The following NBEA variants were observed in gnomAD, a reference collection of about 807,000 sequenced individuals.
NBEA encodes the protein lysosomal-trafficking regulator 2.
In NBEA, 44 loss-of-function variants were observed where a neutral mutation model predicts 343.4. That is an observed-to-expected ratio of 0.13 (90% CI 0.10 to 0.16). The LOEUF (loss-of-function observed/expected upper bound fraction) is 0.16, where lower values mean the gene tolerates loss of function less well. Ranked by LOEUF, NBEA falls within the 10% of genes least tolerant of loss-of-function variation. NBEA has a pLI of 1.00. For synonymous variants in NBEA, 1,175 were observed against 1,238.7 expected (o/e 0.95, Z 1.08); for missense variants, 2,555 against 3,631.3 (o/e 0.70, Z 7.62).
intron 21 of NBEA, among the ~76,000 whole-genome samples, chr13:35,157,983 A>G (rs2069293415): frequency 1.3e-5 from 2 of 152,140 alleles, no homozygotes; most frequent in African/African-American, 4.8e-5. Flanking sequence ...GATAGATAGT[A>G]AATATTATAG....
rs1276908123 is a variant in NBEA at position 35,667,411 on chromosome 13, G to A, written c.8502G>A (p.Leu2834=). The change falls in exon 57 of 59, where the codon TTG becomes TTA. Residue 2834 remains leucine (L), a synonymous_variant. Coordinates refer to ENST00000379939, the MANE Select transcript of NBEA (RefSeq NM_001385012.1). ...TTGTCCACACCATCACTGGAGATTT[G>A]CTGAGAGCCCTTGAAGGACCAGAAA... ...PCLVHTITGD[L]LRALEGPENC... 6 of 1,613,972 alleles carry A rather than the reference G, an allele frequency of 3.7e-6. No homozygotes were observed. The highest frequency in any genetic ancestry group is 5.1e-6 in the Non-Finnish European group (6 of 1,179,882).
At chr13:35,245,920 G>A (rs574405179) in intron 34 of NBEA, among the ~76,000 whole-genome samples, 17 of 152,012 alleles carry the variant, frequency 1.1e-4, no homozygotes, top group Non-Finnish European at 1.0e-4. Context: ...CAGGAATGCC[G>A]GTCATTCCTA....
chr13:35,518,902 A>G (rs57537744), intron 41 of NBEA, among the ~76,000 whole-genome samples: 14,104 of 152,216 alleles, frequency 0.093, 671 homozygotes, highest in African/African-American at 0.12. Flanking sequence ...GCAGATGATT[A>G]TAAGAGAGCA....
intron 34 of NBEA, among the ~76,000 whole-genome samples, chr13:35,273,488 GA>G (rs1336148266): frequency 6.6e-6 from 1 of 152,026 alleles, no homozygotes; most frequent in East Asian, 1.9e-4. Context: ...AAAACTAGCA[GA>G]AGACAAGAAA....
At chr13:35,352,350 A>T in intron 38 of NBEA, 27 bp downstream of exon 38, 1 of 1,309,780 alleles carries the variant, frequency 7.6e-7, no homozygotes, top group Non-Finnish European at 1.0e-6. Flanking sequence ...TCGAGTAAAT[A>T]ATAATTCATA....
At chr13:35,367,511 T>C (rs2041187847) in intron 38 of NBEA, among the ~76,000 whole-genome samples, 1 of 151,166 alleles carries the variant, frequency 6.6e-6, no homozygotes, top group Non-Finnish European at 1.5e-5. Flanking sequence ...AAGTTACAAA[T>C]TGTAATATCT....
At chr13:35,118,778 G>T (rs1239182962) in intron 16 of NBEA, among the ~76,000 whole-genome samples, 1 of 151,632 alleles carries the variant, frequency 6.6e-6, no homozygotes, top group Non-Finnish European at 1.5e-5. Flanking sequence ...TTTACCAAAA[G>T]AGGATACAAT....
chr13:35,251,075 G>T, intron 34 of NBEA: 1 of 172,002 alleles, frequency 5.8e-6, no homozygotes, highest in Non-Finnish European at 1.3e-5. Flanking sequence ...GCTCAGCCTG[G>T]CCTTAGCCAT....
intron 38 of NBEA, among the ~76,000 whole-genome samples, chr13:35,421,286 T>A (rs1386577108): frequency 6.6e-6 from 1 of 151,960 alleles, no homozygotes; most frequent in Non-Finnish European, 1.5e-5. Flanking sequence ...GACTTGGTCA[T>A]TTTTTAGAAT....
chr13:35,251,528 TC>T, intron 34 of NBEA: 1 of 1,139,018 alleles, frequency 8.8e-7, no homozygotes, highest in Admixed American at 3.4e-5. Context: ...TCTGGGCTCA[TC>T]CTGGACGTCA....
chr13:35,278,149 A>T (rs1002412043), intron 34 of NBEA, among the ~76,000 whole-genome samples: 1 of 149,056 alleles, frequency 6.7e-6, no homozygotes, highest in Non-Finnish European at 1.5e-5. Flanking sequence ...ATGCACACAT[A>T]TATATGCATG....
chr13:35,496,704 C>T lies in NBEA; in HGVS notation c.6585+24168C>T, dbSNP rs976383596. Among the ~76,000 whole-genome samples, 3 of 150,950 alleles carry T rather than the reference C, an allele frequency of 2.0e-5. No individual in the cohort carries two copies. In the East Asian group the frequency reaches 5.9e-4, roughly 30 times the overall value. On this transcript the variant is annotated intron_variant, in intron 41 of 58. Coordinates refer to ENST00000379939, the MANE Select transcript of NBEA (RefSeq NM_001385012.1). Reference sequence around the variant, plus strand: ...CAAACAGTGGTTTTTAATAGCTGTTCTTCTAGCAAGGATAAGTTTAATTCC... The same window carrying T: ...CAAACAGTGGTTTTTAATAGCTGTTTTTCTAGCAAGGATAAGTTTAATTCC...
intron 10 of NBEA, among the ~76,000 whole-genome samples, chr13:35,081,639 T>A (rs1409565273): frequency 6.6e-6 from 1 of 152,144 alleles, no homozygotes; most frequent in Non-Finnish European, 1.5e-5. Flanking sequence ...CAATGTTTGT[T>A]TGCATAACTT....
At chr13:35,088,780 A>G (rs1032035142) in intron 10 of NBEA, among the ~76,000 whole-genome samples, 1 of 150,564 alleles carries the variant, frequency 6.6e-6, no homozygotes, top group Admixed American at 6.6e-5. Flanking sequence ...CTGATCTTTG[A>G]CAAACCTGAG....
At chr13:35,347,946 C>T (rs2039980916) in intron 36 of NBEA, among the ~76,000 whole-genome samples, 1 of 152,050 alleles carries the variant, frequency 6.6e-6, no homozygotes, top group South Asian at 2.1e-4. Context: ...GAGCAACAGA[C>T]TCCAGAAGAG....
chr13:35,249,638 G>T (rs1203116639), intron 34 of NBEA, among the ~76,000 whole-genome samples: 1 of 152,174 alleles, frequency 6.6e-6, no homozygotes, highest in African/African-American at 2.4e-5. Flanking sequence ...ATGTAAAATT[G>T]TGCAGCCAGT....
At chr13:35,367,205 G>T (rs1594371027) in intron 38 of NBEA, among the ~76,000 whole-genome samples, 1 of 151,210 alleles carries the variant, frequency 6.6e-6, no homozygotes, top group East Asian at 1.9e-4. Flanking sequence ...AGCATTTTTA[G>T]TAGCTACTTA....
At chr13:35,529,528 G>A (rs1021986291) in intron 41 of NBEA, among the ~76,000 whole-genome samples, 8 of 152,124 alleles carry the variant, frequency 5.3e-5, no homozygotes, top group East Asian at 1.9e-4. Context: ...TATAAGTACC[G>A]TTTTATATGT....
At chr13:35,238,124 A>G (rs1022541465) in intron 34 of NBEA, among the ~76,000 whole-genome samples, 19 of 152,230 alleles carry the variant, frequency 1.2e-4, no homozygotes, top group Non-Finnish European at 2.4e-4. Context: ...TAGAATAGGT[A>G]TGTATGCAAG....
Sources: gnomAD v4.1 joint callset for allele counts (sites outside exome capture counted in the v4.1 genomes callset) on GRCh38, gnomAD v4.1.1 for gene constraint, MANE v1.5 for transcripts, NCBI Gene and HGNC (gene_info 2026-07-23, HGNC 2026-07-21) for gene names.